SFXN1: variants seen among roughly 807,000 people sequenced by gnomAD.
The protein encoded by SFXN1 is sideroflexin-1.
A neutral mutation model predicts 39.5 loss-of-function variants in SFXN1; 32 were observed. That is an observed-to-expected ratio of 0.81 (90% CI 0.61 to 1.09). SFXN1 has a LOEUF of 1.09. Among genes scored for constraint, SFXN1 ranks in the 50% least tolerant of loss-of-function variants. The pLI is 0.00. For synonymous variants in SFXN1, 136 were observed against 146.5 expected (o/e 0.93, Z 0.52); for missense variants, 402 against 407.1 (o/e 0.99, Z 0.11).
At chr5:175,515,093 G>A (rs1760675827) in intron 7 of SFXN1, among the ~76,000 whole-genome samples, 2 of 152,124 alleles carry the variant, frequency 1.3e-5, no homozygotes, top group Admixed American at 6.5e-5. Context: ...ATGGCTCACT[G>A]CAGCCTCAAC....
chr5:175,509,294 T>G, intron 3 of SFXN1, 92 bp downstream of exon 3: 1 of 1,299,470 alleles, frequency 7.7e-7, no homozygotes, highest in South Asian at 1.5e-5. Context: ...AAATAAGTAT[T>G]ATTTCATAAG....
Position 175,509,028 on chromosome 5 carries a change from T to C in SFXN1, c.165-4T>C. The C allele has an allele frequency of 6.2e-7, 1 of 1,600,402 alleles. No homozygotes were observed. The highest frequency in any genetic ancestry group is 1.1e-5 in the South Asian group (1 of 89,026). On this transcript the variant is annotated splice_polypyrimidine_tract_variant and splice_region_variant and intron_variant, in intron 2 of 10. Coordinates refer to ENST00000321442, the MANE Select transcript of SFXN1 (RefSeq NM_022754.7). ...AATTGCCATATTATTTGTTGTTTTC[T>C]TAGGCAAGGAATTGTTCCTCCTGGT...
intron 2 of SFXN1, among the ~76,000 whole-genome samples, chr5:175,497,903 G>A (rs1276781476): frequency 5.6e-5 from 8 of 144,108 alleles, no homozygotes; most frequent in Non-Finnish European, 9.0e-5. Flanking sequence ...GCACTCCAGC[G>A]CAGGTGACAA....
At chr5:175,508,742 AT>A (rs1333919282) in intron 2 of SFXN1, among the ~76,000 whole-genome samples, 3 of 152,054 alleles carry the variant, frequency 2.0e-5, no homozygotes, top group Admixed American at 6.6e-5. Context: ...GATTCAAGCA[AT>A]TCTCTTGCCT....
At chr5:175,488,999 G>A (rs2113271604) in intron 1 of SFXN1, among the ~76,000 whole-genome samples, 1 of 152,304 alleles carries the variant, frequency 6.6e-6, no homozygotes, top group South Asian at 2.1e-4. Flanking sequence ...CCCAGTGTCA[G>A]CACCAATAGG....
intron 2 of SFXN1, among the ~76,000 whole-genome samples, chr5:175,508,468 C>T (rs1202762056): frequency 6.6e-6 from 1 of 151,980 alleles, no homozygotes. Context: ...CTCCTGGGCT[C>T]AAGCAATCCT....
intron 2 of SFXN1, among the ~76,000 whole-genome samples, chr5:175,505,962 G>A (rs1422623533): frequency 2.0e-5 from 3 of 152,082 alleles, no homozygotes; most frequent in Non-Finnish European, 4.4e-5. Flanking sequence ...GATTATAGGC[G>A]CCTGCCACCA....
chr5:175,500,057 G>A (rs1429013575), intron 2 of SFXN1, among the ~76,000 whole-genome samples: 1 of 152,074 alleles, frequency 6.6e-6, no homozygotes, highest in Non-Finnish European at 1.5e-5. Context: ...GCCTGGTGGT[G>A]CATGCCTGTA....
At chr5:175,480,734 G>T (rs936808678) in intron 1 of SFXN1, among the ~76,000 whole-genome samples, 3 of 152,044 alleles carry the variant, frequency 2.0e-5, no homozygotes, top group African/African-American at 7.3e-5. Context: ...CAGCAAAGGT[G>T]GTAAGAGCAG....
intron 8 of SFXN1, among the ~76,000 whole-genome samples, chr5:175,519,922 T>G (rs923359868): frequency 7.9e-5 from 11 of 138,860 alleles, no homozygotes; most frequent in South Asian, 4.5e-4. Context: ...CAGGCTGGAG[T>G]GCAATGACAT....
At position 175,500,286 on chromosome 5, in the gene SFXN1, AG is replaced by A. The variant is rs1254185305; in HGVS notation, c.164+8020del. 7.9e-5 allele frequency among the ~76,000 whole-genome samples: 12 copies of A among 152,100 alleles called. No individual in the cohort carries two copies. The East Asian group carries it at 2.1e-3, about 27-fold the overall frequency. On this transcript the variant is annotated intron_variant, in intron 2 of 10. Transcript: ENST00000321442. ...ACAAAAATCAATTTCATTCCTATCT[AG>A]TAGCAATTAACAACTGTAATTTTGA... is the stretch of plus-strand genomic sequence containing the variant.
At chr5:175,524,837 T>C (rs1761011255) in intron 10 of SFXN1, among the ~76,000 whole-genome samples, 1 of 152,134 alleles carries the variant, frequency 6.6e-6, no homozygotes, top group Non-Finnish European at 1.5e-5. Context: ...AAAAGAGGTA[T>C]AACTGTAGGT....
At chr5:175,492,820 A>T (rs1025431636) in intron 2 of SFXN1, among the ~76,000 whole-genome samples, 2 of 152,224 alleles carry the variant, frequency 1.3e-5, no homozygotes, top group Non-Finnish European at 2.9e-5. Flanking sequence ...CTACCGGTGT[A>T]GAGATATTCC....
chr5:175,495,352 A>G (rs1475064313), intron 2 of SFXN1, among the ~76,000 whole-genome samples: 2 of 152,334 alleles, frequency 1.3e-5, no homozygotes, highest in East Asian at 3.9e-4. Flanking sequence ...GTTGGGGAAG[A>G]TGAAAATGTT....
At chr5:175,525,135 C>G (rs1266517868) in intron 10 of SFXN1, among the ~76,000 whole-genome samples, 2 of 152,184 alleles carry the variant, frequency 1.3e-5, no homozygotes, top group Admixed American at 1.3e-4. Context: ...CCATCATCCA[C>G]CAAGGTTTGA....
intron 10 of SFXN1, chr5:175,524,128 ATATATATATATATATATATATAT>A (rs1561678604): frequency 0.014 from 252 of 18,428 alleles, 9 homozygotes; most frequent in African/African-American, 0.073. Context: ...AAAAAAAAAT[ATATATATATATATATATATATAT>A]ATATATATAT....
intron 1 of SFXN1, among the ~76,000 whole-genome samples, chr5:175,486,191 G>GTGT (rs1759443065): frequency 6.6e-6 from 1 of 152,064 alleles, no homozygotes; most frequent in African/African-American, 2.4e-5. Context: ...AAAAAGTGGG[G>GTGT]GGGCCTCCAA....
At chr5:175,516,159 C>A (rs2113348416) in intron 7 of SFXN1, among the ~76,000 whole-genome samples, 1 of 152,296 alleles carries the variant, frequency 6.6e-6, no homozygotes, top group Middle Eastern at 3.4e-3. Context: ...CAGCCCTATT[C>A]CTAACAGGCC....
At chr5:175,524,901 C>A (rs1045140851) in intron 10 of SFXN1, among the ~76,000 whole-genome samples, 6 of 151,978 alleles carry the variant, frequency 3.9e-5, no homozygotes, top group Non-Finnish European at 8.8e-5. Flanking sequence ...TGAAAACAAG[C>A]AAAATAGACA....
Sources: gnomAD v4.1 joint callset for allele counts (sites outside exome capture counted in the v4.1 genomes callset) on GRCh38, gnomAD v4.1.1 for gene constraint, MANE v1.5 for transcripts, NCBI Gene and HGNC (gene_info 2026-07-23, HGNC 2026-07-21) for gene names.